The following CA10 variants were observed in gnomAD, a reference collection of about 807,000 sequenced individuals.
CA10 encodes carbonic anhydrase-related protein 10.
Under a neutral mutation model 44.2 loss-of-function variants are expected in CA10, and 14 were observed. The ratio of observed to expected loss-of-function variants is 0.32; its 90% CI spans 0.21 to 0.50. The LOEUF (loss-of-function observed/expected upper bound fraction) is 0.50, where lower values mean the gene tolerates loss of function less well. Among genes scored for constraint, CA10 ranks in the 20% least tolerant of loss-of-function variants. The pLI is 0.99. For synonymous variants in CA10, 159 were observed against 141.6 expected, an observed-to-expected ratio of 1.12 and a Z score of -0.87; for missense variants, 350 against 409.7, an observed-to-expected ratio of 0.85 and a Z score of 1.26.
intron 2 of CA10, among the ~76,000 whole-genome samples, chr17:51,947,560 T>C (rs1983330942): frequency 6.6e-6 from 1 of 152,200 alleles, no homozygotes; most frequent in Non-Finnish European, 1.5e-5. Context: ...ATAATCTGAA[T>C]TCTTAATGTG....
At chr17:51,815,955 A>C (rs1221658075) in intron 3 of CA10, among the ~76,000 whole-genome samples, 1 of 152,120 alleles carries the variant, frequency 6.6e-6, no homozygotes, top group African/African-American at 2.4e-5. Flanking sequence ...TAGTTATTTT[A>C]ATGTATACAA....
At chr17:52,085,702 T>C (rs773446219) in intron 1 of CA10, among the ~76,000 whole-genome samples, 3 of 152,200 alleles carry the variant, frequency 2.0e-5, no homozygotes, top group Non-Finnish European at 4.4e-5. Context: ...AAATAACCTC[T>C]TCATGAGATT....
intron 2 of CA10, among the ~76,000 whole-genome samples, chr17:51,952,772 A>T (rs563748839): frequency 1.9e-4 from 29 of 152,264 alleles, no homozygotes; most frequent in African/African-American, 6.7e-4. Flanking sequence ...ACGAGGCACA[A>T]GGCTCTGCTC....
chr17:51,681,826 CT>C (rs973773382), intron 4 of CA10, among the ~76,000 whole-genome samples: 12 of 152,182 alleles, frequency 7.9e-5, no homozygotes, highest in Admixed American at 7.9e-4. Context: ...ATCCCTCCCC[CT>C]GCCACCCTTC....
rs9906815 is a variant in CA10, at chr17:52,114,031, C to G, written c.62-41638G>C. ...AGGCCCACAAGTTGACAGAACATAG[C>G]TGAATATCAGAGTAGCCTCCCCAGA... On this transcript the variant is annotated intron_variant, in intron 1 of 8. Transcript: ENST00000451037. 3.3e-5 allele frequency among the ~76,000 whole-genome samples: 5 copies of G among 152,312 alleles called. No homozygotes were observed. In the South Asian group the frequency reaches 1.0e-3, roughly 32 times the overall value.
At chr17:51,795,994 T>G (rs1038069354) in intron 3 of CA10, among the ~76,000 whole-genome samples, 3 of 152,186 alleles carry the variant, frequency 2.0e-5, no homozygotes, top group African/African-American at 4.8e-5. Flanking sequence ...GGAGCTTTAT[T>G]TTATAGAACG....
At position 51,737,244 on chromosome 17, in the gene CA10, A is replaced by C. The variant is rs535701979; in HGVS notation, c.465+10389T>G. 3.9e-5 allele frequency among the ~76,000 whole-genome samples: 6 copies of C among 152,274 alleles called. No individual in the cohort carries two copies. In the South Asian group the frequency reaches 1.2e-3, roughly 32 times the overall value. On this transcript the variant is annotated intron_variant, in intron 4 of 8. Coordinates refer to ENST00000451037, the MANE Select transcript of CA10 (RefSeq NM_020178.5). The stretch of plus-strand genomic sequence containing the variant: ...TGTTCCTTGAATATAAAATGGTGCT[A>C]ATAAGTGCTAGCTCAAAAGCTTATT...
At chr17:51,691,714 C>A (rs1915200907) in intron 4 of CA10, among the ~76,000 whole-genome samples, 1 of 152,172 alleles carries the variant, frequency 6.6e-6, no homozygotes, top group Non-Finnish European at 1.5e-5. Context: ...ACATTTAAGT[C>A]TTTAATCCAC....
intron 3 of CA10, among the ~76,000 whole-genome samples, chr17:51,879,449 A>G (rs1269523793): frequency 1.3e-5 from 2 of 152,184 alleles, no homozygotes; most frequent in African/African-American, 4.8e-5. Context: ...CATTAAATCT[A>G]CTATGGGATC....
At chr17:51,880,836 T>C (rs1414280309) in intron 3 of CA10, among the ~76,000 whole-genome samples, 1 of 152,004 alleles carries the variant, frequency 6.6e-6, no homozygotes, top group Non-Finnish European at 1.5e-5. Context: ...AGAAAGAAAC[T>C]AAAAGAGGGA....
chr17:52,020,886 A>T (rs529361367), intron 2 of CA10, among the ~76,000 whole-genome samples: 1 of 151,950 alleles, frequency 6.6e-6, no homozygotes, highest in East Asian at 1.9e-4. Flanking sequence ...GCTACCATGT[A>T]TGTGTACATG....
At chr17:51,758,249 T>A (rs1905129485) in intron 3 of CA10, among the ~76,000 whole-genome samples, 2 of 152,246 alleles carry the variant, frequency 1.3e-5, no homozygotes, top group African/African-American at 4.8e-5. Flanking sequence ...AATCATATTA[T>A]TATTAAAAGC....
At chr17:52,046,435 G>A (rs1986915036) in intron 2 of CA10, among the ~76,000 whole-genome samples, 2 of 151,910 alleles carry the variant, frequency 1.3e-5, no homozygotes, top group Admixed American at 1.3e-4. Context: ...AGGATATAAT[G>A]AGTAATGTTA....
At chr17:51,752,758 G>A (rs941313383) in intron 3 of CA10, among the ~76,000 whole-genome samples, 3 of 152,000 alleles carry the variant, frequency 2.0e-5, no homozygotes, top group African/African-American at 7.2e-5. Flanking sequence ...GCGAAACCCC[G>A]TCTCTACTAA....
At chr17:51,796,056 G>A (rs1036959316) in intron 3 of CA10, among the ~76,000 whole-genome samples, 4 of 152,186 alleles carry the variant, frequency 2.6e-5, no homozygotes, top group African/African-American at 9.7e-5. Context: ...GCAGCAGTGA[G>A]ACTGGAACCT....
At chr17:52,039,784 A>G (rs1046661798) in intron 2 of CA10, among the ~76,000 whole-genome samples, 6 of 152,138 alleles carry the variant, frequency 3.9e-5, no homozygotes, top group African/African-American at 1.4e-4. Flanking sequence ...GTAGTACATT[A>G]AGAGGGTCTG....
chr17:51,747,117 G>C (rs1268158131), intron 4 of CA10, among the ~76,000 whole-genome samples: 1 of 152,170 alleles, frequency 6.6e-6, no homozygotes, highest in Non-Finnish European at 1.5e-5. Flanking sequence ...AGTTCTGTCT[G>C]GGTTGATGGT....
intron 1 of CA10, among the ~76,000 whole-genome samples, chr17:52,103,279 A>C (rs1326031932): frequency 6.6e-6 from 1 of 152,130 alleles, no homozygotes; most frequent in Non-Finnish European, 1.5e-5. Flanking sequence ...GTGGTTAGAT[A>C]ATTAAGGCTT....
At chr17:51,733,578 C>T (rs778315638) in intron 4 of CA10, among the ~76,000 whole-genome samples, 3 of 152,162 alleles carry the variant, frequency 2.0e-5, no homozygotes, top group South Asian at 2.1e-4. Context: ...ATGAATACTC[C>T]AGAAGCGGCA....
Sources: allele counts gnomAD v4.1 joint callset (sites outside exome capture counted in the v4.1 genomes callset), GRCh38; gene constraint gnomAD v4.1.1; transcripts MANE v1.5; gene names NCBI Gene and HGNC (gene_info 2026-07-23, HGNC 2026-07-21).